PDE1C: variants seen among roughly 807,000 people sequenced by gnomAD.
The protein encoded by PDE1C is dual specificity calcium/calmodulin-dependent 3',5'-cyclic nucleotide phosphodiesterase 1C.
Under a neutral mutation model 93.1 loss-of-function variants are expected in PDE1C, and 62 were observed. The ratio of observed to expected loss-of-function variants is 0.67; its 90% CI spans 0.54 to 0.82. PDE1C has a LOEUF of 0.82. PDE1C is among the 40% of genes least tolerant of loss of function. PDE1C has a pLI of 0.00. For missense variants in PDE1C, 742 were observed against 884.6 expected (o/e 0.84, Z 2.04); for synonymous variants, 325 against 310.1 (o/e 1.05, Z -0.50).
At chr7:31,926,187 G>A (rs1255830104) in intron 2 of PDE1C, among the ~76,000 whole-genome samples, 3 of 152,116 alleles carry the variant, frequency 2.0e-5, no homozygotes, top group Non-Finnish European at 4.4e-5. Flanking sequence ...TGGTATTCAT[G>A]TATTTTTCAA....
the PDE1C span, chr7:31,707,719 G>C: frequency 3.7e-5 from 6 of 163,612 alleles, no homozygotes; most frequent in African/African-American, 1.4e-4. Context: ...AGAGAGGTGA[G>C]AATGTTTGGA....
intron 2 of PDE1C, among the ~76,000 whole-genome samples, chr7:32,034,168 T>C (rs1355196214): frequency 6.6e-6 from 1 of 151,864 alleles, no homozygotes; most frequent in East Asian, 1.9e-4. Flanking sequence ...AACCCCTTAC[T>C]GGAAAGAGCA....
the PDE1C span, among the ~76,000 whole-genome samples, chr7:31,703,598 G>A: frequency 7.2e-5 from 11 of 152,276 alleles, no homozygotes; most frequent in East Asian, 3.9e-4. Flanking sequence ...TTTTTGAAGC[G>A]CCTTTTAGTA....
intron 17 of PDE1C, among the ~76,000 whole-genome samples, chr7:31,773,430 T>G (rs1795630467): frequency 6.6e-6 from 1 of 151,646 alleles, no homozygotes; most frequent in African/African-American, 2.4e-5. Context: ...AAGGATGCCC[T>G]CAGAAATCCC....
chr7:32,266,291 A>G (rs1050601082), intron 1 of PDE1C, among the ~76,000 whole-genome samples: 1 of 151,728 alleles, frequency 6.6e-6, no homozygotes, highest in Non-Finnish European at 1.5e-5. Context: ...CAAAAAAAAA[A>G]GAAAAGAAAA....
Position 32,165,835 on chromosome 7 carries a change from G to T in PDE1C, c.308+3950C>A, listed in dbSNP as rs554423236. ...GATCCTAAATCTCATCTAGTGCAGT[G>T]GTTCTCCAGGTGTGATCCTGGACCA... is the stretch of plus-strand genomic sequence containing the variant. On this transcript the variant is annotated intron_variant, in intron 3 of 18. Coordinates refer to the PDE1C transcript ENST00000396193. Among the ~76,000 whole-genome samples the T allele has an allele frequency of 2.0e-5, 3 of 152,224 alleles. No individual in the cohort carries two copies. The South Asian group carries it at 6.2e-4, about 32-fold the overall frequency.
intron 1 of PDE1C, among the ~76,000 whole-genome samples, chr7:32,212,578 C>T (rs924208897): frequency 6.6e-6 from 1 of 152,208 alleles, no homozygotes; most frequent in African/African-American, 2.4e-5. Flanking sequence ...CCAGAGCATA[C>T]TCCAGCACTC....
At chr7:31,771,372 C>T (rs1795477315) in intron 17 of PDE1C, among the ~76,000 whole-genome samples, 1 of 152,232 alleles carries the variant, frequency 6.6e-6, no homozygotes, top group Non-Finnish European at 1.5e-5. Context: ...TCCACACCCT[C>T]ACCAATACCT....
At chr7:31,769,287 A>G (rs924701867) in intron 17 of PDE1C, among the ~76,000 whole-genome samples, 2 of 152,096 alleles carry the variant, frequency 1.3e-5, no homozygotes, top group Non-Finnish European at 2.9e-5. Flanking sequence ...ACCAATGCAA[A>G]TTTTGCTGTC....
At chr7:31,851,158 C>T (rs1483484718) in intron 7 of PDE1C, among the ~76,000 whole-genome samples, 1 of 151,450 alleles carries the variant, frequency 6.6e-6, no homozygotes, top group Non-Finnish European at 1.5e-5. Context: ...GAAAACCTAA[C>T]GTCTGATTAT....
At chr7:32,170,198 G>C (rs1203284509) in intron 2 of PDE1C, among the ~76,000 whole-genome samples, 1 of 152,136 alleles carries the variant, frequency 6.6e-6, no homozygotes, top group African/African-American at 2.4e-5. Flanking sequence ...CATTGCAGTG[G>C]TGATCAGCCC....
chr7:32,048,884 A>G (rs973406509), intron 2 of PDE1C, among the ~76,000 whole-genome samples: 1 of 152,154 alleles, frequency 6.6e-6, no homozygotes, highest in Admixed American at 6.5e-5. Context: ...TTTATTTTTC[A>G]TTACAGTGAC....
intron 2 of PDE1C, among the ~76,000 whole-genome samples, chr7:32,047,095 G>C (rs1344042282): frequency 7.0e-6 from 1 of 142,800 alleles, no homozygotes; most frequent in Non-Finnish European, 1.6e-5. Flanking sequence ...GTGTGTGTTG[G>C]AAGCACCTCT....
chr7:32,137,154 C>T (rs1047072069), intron 3 of PDE1C, among the ~76,000 whole-genome samples: 1 of 152,186 alleles, frequency 6.6e-6, no homozygotes, highest in South Asian at 2.1e-4. Context: ...AAAGACCCTA[C>T]ACAATGTTAA....
the PDE1C span, among the ~76,000 whole-genome samples, chr7:31,633,181 G>A: frequency 2.0e-5 from 3 of 151,688 alleles, no homozygotes; most frequent in Non-Finnish European, 4.4e-5. Context: ...TACCGCGACC[G>A]GCCAGGTCTG....
chr7:32,176,695 A>G (rs909448681), intron 2 of PDE1C, among the ~76,000 whole-genome samples: 5 of 71,366 alleles, frequency 7.0e-5, no homozygotes, highest in African/African-American at 4.1e-4. Context: ...ATATGCACAC[A>G]CACGTACTCA....
At chr7:32,100,118 C>A (rs562422655) in intron 3 of PDE1C, among the ~76,000 whole-genome samples, 1 of 152,326 alleles carries the variant, frequency 6.6e-6, no homozygotes, top group South Asian at 2.1e-4. Flanking sequence ...TGCCCAGTGT[C>A]TAGCATAGCA....
intron 1 of PDE1C, among the ~76,000 whole-genome samples, chr7:32,237,073 A>G (rs1321850660): frequency 6.7e-6 from 1 of 148,198 alleles, no homozygotes; most frequent in Non-Finnish European, 1.5e-5. Context: ...GAATCTATTC[A>G]TGTAATATTC....
At chr7:32,120,664 A>C (rs745776568) in intron 3 of PDE1C, among the ~76,000 whole-genome samples, 23 of 149,872 alleles carry the variant, frequency 1.5e-4, no homozygotes, top group Admixed American at 4.0e-4. Context: ...ATTGAAAGAA[A>C]AACAAACAAA....
Sources: allele counts gnomAD v4.1 joint callset (sites outside exome capture counted in the v4.1 genomes callset), GRCh38; gene constraint gnomAD v4.1.1; transcripts MANE v1.5; gene names NCBI Gene and HGNC (gene_info 2026-07-23, HGNC 2026-07-21).